MAGI2: variants seen among roughly 807,000 people sequenced by gnomAD.
MAGI2 encodes the protein membrane-associated guanylate kinase, WW and PDZ domain-containing protein 2.
MAGI2 carries 35 observed loss-of-function variants against 133.3 expected under a neutral mutation model. The ratio of observed to expected loss-of-function variants is 0.26; its 90% CI spans 0.20 to 0.35. The LOEUF (loss-of-function observed/expected upper bound fraction) is 0.35. Ranked by LOEUF, MAGI2 falls within the 10% of genes least tolerant of loss-of-function variation. MAGI2 has a pLI of 1.00. For synonymous variants in MAGI2, 729 were observed against 710.6 expected (o/e 1.03, Z -0.41); for missense variants, 1,636 against 1,863.4 (o/e 0.88, Z 2.25).
intron 1 of MAGI2, among the ~76,000 whole-genome samples, chr7:79,149,198 T>C (rs1822960368): frequency 6.7e-6 from 1 of 148,556 alleles, no homozygotes; most frequent in South Asian, 2.1e-4. Context: ...TGCTTATATA[T>C]ATAGAGCGAG....
At chr7:78,790,293 T>C (rs963388597) in intron 2 of MAGI2, among the ~76,000 whole-genome samples, 1 of 152,144 alleles carries the variant, frequency 6.6e-6, no homozygotes, top group Non-Finnish European at 1.5e-5. Flanking sequence ...GATGCCTTGC[T>C]CTTTTAAAAA....
chr7:78,112,867 A>G (rs1819493687), intron 20 of MAGI2, among the ~76,000 whole-genome samples: 1 of 152,230 alleles, frequency 6.6e-6, no homozygotes, highest in Non-Finnish European at 1.5e-5. Flanking sequence ...TATGAAGAAG[A>G]TGTGCCTGTT....
intron 2 of MAGI2, among the ~76,000 whole-genome samples, chr7:78,896,788 C>G (rs1642906): frequency 0.52 from 78,708 of 151,742 alleles, 22,047 homozygotes; most frequent in South Asian, 0.68. Flanking sequence ...AAAATATAAA[C>G]TGCTCTAATT....
In MAGI2 at chr7:78,132,965, T is replaced by C; in HGVS notation, c.3127A>G (p.Ser1043Gly). The C allele has an allele frequency of 6.2e-7, 1 of 1,613,676 alleles. No homozygotes were observed. Among genetic ancestry groups the C allele is most frequent in the Non-Finnish European group, 8.5e-7 (1 of 1,179,850 alleles). ...ATGGGGCTGTTGGGGGTGGCTGGGCTTGGCTGGGCCAGGGGACTCTGCTGT... is the reference window on the plus strand; with the variant it reads ...ATGGGGCTGTTGGGGGTGGCTGGGCCTGGCTGGGCCAGGGGACTCTGCTGT... The part of the protein sequence containing the change: ...LAQQSPLAQP[S>G]PATPNSPIAQ... Residue 1043 changes from serine (S) to glycine (G), a missense_variant, in exon 18 of 22, where the codon AGC (serine) becomes GGC (glycine). Physicochemically the swap from Ser to Gly is moderately conservative, Grantham distance 56. Around this residue, in one of 5 missense-constraint regions of MAGI2, gnomAD observed 920 missense variants for 1,093.5 expected, o/e 0.84. Coordinates refer to ENST00000354212, the MANE Select transcript of MAGI2 (RefSeq NM_012301.4).
At chr7:78,760,396 C>T (rs1388742150) in intron 2 of MAGI2, among the ~76,000 whole-genome samples, 14 of 121,864 alleles carry the variant, frequency 1.1e-4, no homozygotes, top group African/African-American at 4.4e-4. Context: ...AAGTTTTGCT[C>T]TTGTTGCCCA....
chr7:79,434,517 A>G (rs934679221), intron 1 of MAGI2, among the ~76,000 whole-genome samples: 3 of 152,128 alleles, frequency 2.0e-5, no homozygotes, highest in Non-Finnish European at 4.4e-5. Flanking sequence ...GATTTTGGGG[A>G]AAAAAATACT....
intron 2 of MAGI2, among the ~76,000 whole-genome samples, chr7:78,970,824 G>A (rs1803725590): frequency 6.6e-6 from 1 of 152,034 alleles, no homozygotes; most frequent in Non-Finnish European, 1.5e-5. Context: ...TGTATCCTGT[G>A]CTAATGCTAC....
At chr7:78,646,742 C>T (rs991097962) in intron 2 of MAGI2, among the ~76,000 whole-genome samples, 3 of 152,212 alleles carry the variant, frequency 2.0e-5, no homozygotes, top group African/African-American at 7.2e-5. Context: ...CAGCCAACTG[C>T]TACCTGAATG....
At chr7:78,193,749 TAA>T (rs57498051) in intron 12 of MAGI2, among the ~76,000 whole-genome samples, 70,634 of 151,130 alleles carry the variant, frequency 0.47, 16,896 homozygotes, top group East Asian at 0.58. Flanking sequence ...GCCGCTTCTT[TAA>T]AAAAAAAAAG....
At chr7:78,234,051 G>T (rs1320210378) in intron 10 of MAGI2, among the ~76,000 whole-genome samples, 1 of 152,110 alleles carries the variant, frequency 6.6e-6, no homozygotes, top group Non-Finnish European at 1.5e-5. Flanking sequence ...ATGCCAAGTG[G>T]CAAGTGGGAT....
At chr7:79,275,406 A>G (rs544995061) in intron 1 of MAGI2, among the ~76,000 whole-genome samples, 2 of 152,332 alleles carry the variant, frequency 1.3e-5, no homozygotes, top group East Asian at 3.9e-4. Flanking sequence ...AACTTGCTTC[A>G]ATTCTTTGAA....
chr7:78,073,257 C>T (rs748442641), intron 21 of MAGI2, among the ~76,000 whole-genome samples: 9 of 152,060 alleles, frequency 5.9e-5, no homozygotes, highest in Admixed American at 1.3e-4. Context: ...ATTAAAGAAA[C>T]GATTAACTTT....
intron 5 of MAGI2, among the ~76,000 whole-genome samples, chr7:78,496,815 G>A (rs868232355): frequency 4.6e-5 from 7 of 152,096 alleles, no homozygotes; most frequent in African/African-American, 9.7e-5. Context: ...AGTCTACATC[G>A]CGTGAAAGTC....
chr7:78,998,556 G>A (rs1806544479), intron 2 of MAGI2, among the ~76,000 whole-genome samples: 1 of 152,126 alleles, frequency 6.6e-6, no homozygotes, highest in Non-Finnish European at 1.5e-5. Flanking sequence ...AATAGATAAA[G>A]CCAAGGGTAG....
intron 1 of MAGI2, among the ~76,000 whole-genome samples, chr7:79,315,216 T>G (rs1838614240): frequency 6.6e-6 from 1 of 150,914 alleles, no homozygotes; most frequent in East Asian, 1.9e-4. Flanking sequence ...TAGAGTGCAG[T>G]GGCATGATCT....
At chr7:79,298,773 G>A (rs1837146046) in intron 1 of MAGI2, among the ~76,000 whole-genome samples, 1 of 152,198 alleles carries the variant, frequency 6.6e-6, no homozygotes, top group African/African-American at 2.4e-5. Context: ...AGTGAATTTA[G>A]AATGAGCTAA....
intron 2 of MAGI2, among the ~76,000 whole-genome samples, chr7:78,632,084 AT>A (rs993672969): frequency 1.3e-5 from 2 of 152,190 alleles, no homozygotes; most frequent in East Asian, 1.9e-4. Context: ...AGCAGAAATG[AT>A]TTTTTTAATG....
chr7:78,592,408 G>A (rs2150847809), intron 3 of MAGI2, among the ~76,000 whole-genome samples: 1 of 150,674 alleles, frequency 6.6e-6, no homozygotes, highest in East Asian at 1.9e-4. Context: ...TTCAGTATCT[G>A]TCCCAACTGC....
intron 1 of MAGI2, among the ~76,000 whole-genome samples, chr7:79,131,073 G>C (rs1293800055): frequency 1.3e-5 from 2 of 152,150 alleles, no homozygotes; most frequent in African/African-American, 4.8e-5. Context: ...TCTAGGAAAG[G>C]TGCTGTGAAA....
Sources: gnomAD v4.1 joint callset for allele counts (sites outside exome capture counted in the v4.1 genomes callset) on GRCh38, gnomAD v4.1.1 for gene constraint, gnomAD v4.1.1 regional missense constraint, MANE v1.5 for transcripts, NCBI Gene and HGNC (gene_info 2026-07-23, HGNC 2026-07-21) for gene names.